CTNND2: variants seen among roughly 807,000 people sequenced by gnomAD.
The protein encoded by CTNND2 is catenin delta-2.
A neutral mutation model predicts 144.4 loss-of-function variants in CTNND2; 22 were observed. The ratio of observed to expected loss-of-function variants is 0.15; its 90% CI spans 0.11 to 0.22. CTNND2 has a LOEUF of 0.22. CTNND2 is among the 10% of genes least tolerant of loss of function. CTNND2 has a pLI of 1.00. For synonymous variants in CTNND2, 751 were observed against 695.6 expected, an observed-to-expected ratio of 1.08 and a Z score of -1.25; for missense variants, 1,353 against 1,618.8, an observed-to-expected ratio of 0.84 and a Z score of 2.82.
intron 10 of CTNND2, 42 bp downstream of exon 10, chr5:11,236,649 T>C: frequency 6.2e-7 from 1 of 1,605,938 alleles, no homozygotes; most frequent in Admixed American, 1.7e-5. Context: ...TAAGTGCTTA[T>C]GAATCTGACA....
intron 3 of CTNND2, among the ~76,000 whole-genome samples, chr5:11,463,173 GTATATGA>G (rs1002082607): frequency 5.9e-5 from 9 of 152,110 alleles, no homozygotes; most frequent in East Asian, 5.8e-4. Context: ...CCTACTTTTG[GTATATGA>G]TACACTCTTA....
chr5:11,154,372 C>T (rs1032799372), intron 12 of CTNND2, among the ~76,000 whole-genome samples: 4 of 152,166 alleles, frequency 2.6e-5, no homozygotes, highest in East Asian at 1.9e-4. Context: ...CTTCTTTGGC[C>T]GAGACAGCCA....
intron 11 of CTNND2, among the ~76,000 whole-genome samples, chr5:11,173,105 G>A (rs1248320604): frequency 6.6e-6 from 1 of 152,240 alleles, no homozygotes; most frequent in Non-Finnish European, 1.5e-5. Flanking sequence ...ACTGTATACA[G>A]TCAGGACTCA....
chr5:11,033,646 T>C (rs866864562), intron 16 of CTNND2, among the ~76,000 whole-genome samples: 1 of 152,060 alleles, frequency 6.6e-6, no homozygotes, highest in East Asian at 1.9e-4. Context: ...TTGGCCAACA[T>C]GGTGAAACCC....
At chr5:11,438,846 C>A (rs2149888530) in intron 3 of CTNND2, among the ~76,000 whole-genome samples, 1 of 152,202 alleles carries the variant, frequency 6.6e-6, no homozygotes, top group African/African-American at 2.4e-5. Context: ...GGACTTACTT[C>A]TTTTATGGAA....
At chr5:11,207,577 C>A (rs945691399) in intron 10 of CTNND2, among the ~76,000 whole-genome samples, 1 of 152,042 alleles carries the variant, frequency 6.6e-6, no homozygotes, top group East Asian at 1.9e-4. Context: ...TCTGATCTTT[C>A]GGCTTTTTTT....
chr5:11,372,683 C>G (rs1003360709), intron 7 of CTNND2, among the ~76,000 whole-genome samples: 1 of 152,166 alleles, frequency 6.6e-6, no homozygotes, highest in Non-Finnish European at 1.5e-5. Context: ...TTACTAGCCA[C>G]GTATTTTGGT....
In CTNND2 at chr5:11,460,263, C is replaced by T. The variant is rs151120487; in HGVS notation, c.288-48194G>A. ...ACTACTGACAGAATTCAAACTATCT[C>T]AGGAAAAATTTATCCAAGAACAAAG... On this transcript the variant is annotated intron_variant, in intron 3 of 21. Coordinates refer to ENST00000304623, the MANE Select transcript of CTNND2 (RefSeq NM_001332.4). 8.2e-3 allele frequency among the ~76,000 whole-genome samples: 1,252 copies of T among 152,268 alleles called. 10 individuals are homozygous for T. Among genetic ancestry groups the T allele is most frequent in the Non-Finnish European group, 0.013 (914 of 68,034 alleles).
chr5:11,359,966 C>T (rs961053164), intron 8 of CTNND2, among the ~76,000 whole-genome samples: 1 of 152,184 alleles, frequency 6.6e-6, no homozygotes, highest in African/African-American at 2.4e-5. Context: ...GGGTACCCTG[C>T]TCCTTGGACA....
intron 3 of CTNND2, among the ~76,000 whole-genome samples, chr5:11,486,658 G>GAAGGGGAGAAACAGAGGGAGGAAT (rs1418772029): frequency 2.4e-4 from 37 of 152,064 alleles, no homozygotes; most frequent in African/African-American, 8.7e-4. Context: ...GAGGGAGGAA[G>GAAGGGGAGAAACAGAGGGAGGAAT]AAGGGGAAAA....
intron 10 of CTNND2, among the ~76,000 whole-genome samples, chr5:11,205,869 A>G (rs1737990022): frequency 6.6e-6 from 1 of 152,194 alleles, no homozygotes; most frequent in Non-Finnish European, 1.5e-5. Context: ...CATTGCAGTG[A>G]CTGGAGGTGC....
At chr5:11,134,688 T>C (rs1275309746) in intron 12 of CTNND2, among the ~76,000 whole-genome samples, 1 of 152,228 alleles carries the variant, frequency 6.6e-6, no homozygotes, top group African/African-American at 2.4e-5. Flanking sequence ...TTAAGATTTT[T>C]AGATGTCTCT....
At chr5:11,465,606 T>C (rs1766601462) in intron 3 of CTNND2, among the ~76,000 whole-genome samples, 1 of 152,164 alleles carries the variant, frequency 6.6e-6, no homozygotes, top group African/African-American at 2.4e-5. Context: ...GATGGGTAAT[T>C]ATTTCAGCAC....
chr5:11,361,118 T>C (rs953209503), intron 8 of CTNND2, among the ~76,000 whole-genome samples: 11 of 152,120 alleles, frequency 7.2e-5, no homozygotes, highest in Admixed American at 7.2e-4. Flanking sequence ...TCTCCTGGCT[T>C]CAAGTGATTC....
intron 2 of CTNND2, among the ~76,000 whole-genome samples, chr5:11,621,335 A>T (rs1304873338): frequency 6.6e-6 from 1 of 152,172 alleles, no homozygotes; most frequent in East Asian, 1.9e-4. Flanking sequence ...ATTATATTTT[A>T]TTTGTAAGTA....
intron 21 of CTNND2, among the ~76,000 whole-genome samples, chr5:10,978,887 G>A (rs374799120): frequency 6.6e-5 from 10 of 152,318 alleles, no homozygotes; most frequent in East Asian, 3.9e-4. Flanking sequence ...ATCTGCTTAC[G>A]TAAAAAGAAG....
At chr5:11,836,562 C>G (rs1308439725) in intron 1 of CTNND2, among the ~76,000 whole-genome samples, 1 of 151,070 alleles carries the variant, frequency 6.6e-6, no homozygotes, top group Non-Finnish European at 1.5e-5. Flanking sequence ...TTCCATTAGC[C>G]AAACAGACAA....
chr5:11,040,863 A>T (rs537849478), intron 16 of CTNND2, among the ~76,000 whole-genome samples: 3 of 152,332 alleles, frequency 2.0e-5, no homozygotes, highest in African/African-American at 7.2e-5. Flanking sequence ...GGAATGATGA[A>T]AATTTAAACT....
chr5:11,471,113 G>A (rs991327084), intron 3 of CTNND2, among the ~76,000 whole-genome samples: 22 of 150,792 alleles, frequency 1.5e-4, no homozygotes, highest in Admixed American at 5.3e-4. Context: ...GAGTAGCGGG[G>A]ACTACAGGCG....
Sources: gnomAD v4.1 joint callset for allele counts (sites outside exome capture counted in the v4.1 genomes callset) on GRCh38, gnomAD v4.1.1 for gene constraint, MANE v1.5 for transcripts, NCBI Gene and HGNC (gene_info 2026-07-23, HGNC 2026-07-21) for gene names.